NOS1AP: variants seen among roughly 807,000 people sequenced by gnomAD.
NOS1AP encodes carboxyl-terminal PDZ ligand of neuronal nitric oxide synthase protein.
A neutral mutation model predicts 56.2 loss-of-function variants in NOS1AP; 21 were observed. The observed-to-expected ratio is 0.37, with a 90% CI of 0.26 to 0.54. The LOEUF is 0.54. Among genes scored for constraint, NOS1AP ranks in the 20% least tolerant of loss-of-function variants. NOS1AP has a pLI of 0.84. For missense variants in NOS1AP, 522 were observed against 657.8 expected, an observed-to-expected ratio of 0.79 and a Z score of 2.26; for synonymous variants, 270 against 274.6, an observed-to-expected ratio of 0.98 and a Z score of 0.17.
At chr1:162,086,741 A>G (rs1692012068) in intron 1 of NOS1AP, among the ~76,000 whole-genome samples, 1 of 152,150 alleles carries the variant, frequency 6.6e-6, no homozygotes, top group African/African-American at 2.4e-5. Flanking sequence ...ATTTCACAAA[A>G]CAATTTTATG....
chr1:162,103,682 A>G (rs1647393914), intron 1 of NOS1AP, among the ~76,000 whole-genome samples: 1 of 152,136 alleles, frequency 6.6e-6, no homozygotes, highest in South Asian at 2.1e-4. Flanking sequence ...ACCATGATGT[A>G]ATTCCCTTCT....
chr1:162,150,753 T>C (rs1390008458), intron 1 of NOS1AP, among the ~76,000 whole-genome samples: 1 of 152,218 alleles, frequency 6.6e-6, no homozygotes, highest in Non-Finnish European at 1.5e-5. Flanking sequence ...CATTTGTGTG[T>C]TTTCTTTTGA....
At chr1:162,258,043 T>A (rs1557852103) in intron 2 of NOS1AP, among the ~76,000 whole-genome samples, 3 of 152,278 alleles carry the variant, frequency 2.0e-5, no homozygotes, top group East Asian at 1.9e-4. Flanking sequence ...CTGATAATTC[T>A]CCAGTGCTCA....
chr1:162,083,712 G>A (rs1570995801), intron 1 of NOS1AP, among the ~76,000 whole-genome samples: 4 of 152,266 alleles, frequency 2.6e-5, no homozygotes, highest in Admixed American at 2.6e-4. Flanking sequence ...CACAGATGAA[G>A]GAAATTACCT....
intron 1 of NOS1AP, among the ~76,000 whole-genome samples, chr1:162,081,714 A>C (rs1691888705): frequency 2.1e-5 from 3 of 141,922 alleles, no homozygotes; most frequent in Non-Finnish European, 3.0e-5. Flanking sequence ...TGCCTGGCTA[A>C]GTTTCATATC....
chr1:162,335,124 C>T (rs1656898387), intron 5 of NOS1AP, among the ~76,000 whole-genome samples: 1 of 152,194 alleles, frequency 6.6e-6, no homozygotes, highest in Non-Finnish European at 1.5e-5. Flanking sequence ...TCATCTGGTT[C>T]CCTATCATGT....
intron 1 of NOS1AP, among the ~76,000 whole-genome samples, chr1:162,147,331 CAAAAAAA>C (rs572205161): frequency 6.7e-5 from 5 of 74,868 alleles, no homozygotes; most frequent in Admixed American, 1.6e-4. Flanking sequence ...GACTCCGTCT[CAAAAAAA>C]AAAAAAAAAA....
At chr1:162,077,190 C>T (rs2102011234) in intron 1 of NOS1AP, among the ~76,000 whole-genome samples, 1 of 152,084 alleles carries the variant, frequency 6.6e-6, no homozygotes, top group Admixed American at 6.5e-5. Context: ...TTTACCTTTC[C>T]ACCAGCAGTG....
At chr1:162,277,113 C>T (rs1654760589) in intron 2 of NOS1AP, among the ~76,000 whole-genome samples, 1 of 152,158 alleles carries the variant, frequency 6.6e-6, no homozygotes, top group Admixed American at 6.5e-5. Flanking sequence ...TGGCTCTCCC[C>T]AGACCTGCAG....
intron 2 of NOS1AP, among the ~76,000 whole-genome samples, chr1:162,178,993 G>T (rs947842602): frequency 6.6e-6 from 1 of 152,026 alleles, no homozygotes; most frequent in African/African-American, 2.4e-5. Context: ...TTTGGTGGGG[G>T]TTGAGGGGGG....
rs879224507 is a variant in NOS1AP, at chr1:162,367,153, C to A, written c.1207C>A (p.Pro403Thr). ...TAAGCCAGAGGACCTGCATTCGCCG[C>A]CGCTGGGCGCGGGCTTGGCTGACTT... ...TPKPEDLHSP[P>T]LGAGLADFAH... The change falls in exon 10 of 10, where the codon CCG (proline) becomes ACG (threonine). Residue 403 changes from proline to threonine, a missense_variant. Around this residue, in one of 4 missense-constraint regions of NOS1AP, gnomAD observed 160 missense variants for 180.3 expected, o/e 0.89. Transcript: ENST00000361897. This position sits in a 1 kb window ranked among gnomAD's most constrained non-coding sequence, Gnocchi z 6.5. 1 of 1,613,848 alleles carries A rather than the reference C, an allele frequency of 6.2e-7. No individual in the cohort carries two copies. The highest frequency in any genetic ancestry group is 8.5e-7 in the Non-Finnish European group (1 of 1,179,966).
At chr1:162,254,084 G>T (rs1249320040) in intron 2 of NOS1AP, among the ~76,000 whole-genome samples, 2 of 152,160 alleles carry the variant, frequency 1.3e-5, no homozygotes, top group Non-Finnish European at 2.9e-5. Flanking sequence ...TATTTTTTGA[G>T]TAATTGTTTT....
At chr1:162,088,149 A>T (rs892749644) in intron 1 of NOS1AP, among the ~76,000 whole-genome samples, 3 of 152,144 alleles carry the variant, frequency 2.0e-5, no homozygotes, top group African/African-American at 7.2e-5. Flanking sequence ...GAAGAGGCCT[A>T]TATGTGCTTG....
Position 162,367,535 on chromosome 1 carries a change from A to G in NOS1AP, c.*68A>G, listed in dbSNP as rs1658139961. 3 of 1,476,358 alleles carry G rather than the reference A, an allele frequency of 2.0e-6. No homozygotes were observed. The highest frequency in any genetic ancestry group is 2.7e-6 in the Non-Finnish European group (3 of 1,107,556). The allele number at this position is 1,476,358 out of a possible 1,614,324, so 91.5% of individuals were successfully genotyped here. On this transcript the variant is annotated 3_prime_UTR_variant, in exon 10 of 10. Coordinates refer to ENST00000361897, the MANE Select transcript of NOS1AP (RefSeq NM_014697.3). This position sits in a 1 kb window ranked among gnomAD's most constrained non-coding sequence, Gnocchi z 6.5. ...GGCCGTGTCTGGCTGCTGCCCGGGTAGGGGATGCCCAGTGAATGTGCACTG... is the reference window on the plus strand; with the variant it reads ...GGCCGTGTCTGGCTGCTGCCCGGGTGGGGGATGCCCAGTGAATGTGCACTG...
chr1:162,231,595 T>G (rs1216184975), intron 2 of NOS1AP, among the ~76,000 whole-genome samples: 2 of 152,210 alleles, frequency 1.3e-5, no homozygotes, highest in East Asian at 3.8e-4. Flanking sequence ...TATTGATATT[T>G]TATGTTTTTG....
intron 2 of NOS1AP, among the ~76,000 whole-genome samples, chr1:162,201,782 C>T (rs796718854): frequency 3.3e-5 from 5 of 152,280 alleles, no homozygotes; most frequent in African/African-American, 1.2e-4. Context: ...CCTTTGCCCA[C>T]TTTTTAATTG....
At chr1:162,141,074 C>T (rs1356054447) in intron 1 of NOS1AP, among the ~76,000 whole-genome samples, 1 of 152,180 alleles carries the variant, frequency 6.6e-6, no homozygotes, top group East Asian at 1.9e-4. Context: ...TGTTTGTTTA[C>T]AGTCTCTTTT....
intron 2 of NOS1AP, among the ~76,000 whole-genome samples, chr1:162,196,055 A>T (rs1403023827): frequency 6.6e-6 from 1 of 152,224 alleles, no homozygotes; most frequent in Non-Finnish European, 1.5e-5. Context: ...CACAGTCTTT[A>T]GAGTTGGTTG....
chr1:162,164,995 A>T (rs1650415937), intron 2 of NOS1AP, among the ~76,000 whole-genome samples: 1 of 152,166 alleles, frequency 6.6e-6, no homozygotes. Context: ...AGCAGGCGTT[A>T]TCCTTATTTT....
Sources: allele counts gnomAD v4.1 joint callset (sites outside exome capture counted in the v4.1 genomes callset), GRCh38; gene constraint gnomAD v4.1.1; regional missense constraint gnomAD v4.1.1; non-coding constraint Gnocchi (gnomAD v3.1); transcripts MANE v1.5; gene names NCBI Gene and HGNC (gene_info 2026-07-23, HGNC 2026-07-21).